The following TBC1D12 variants were observed in gnomAD, a reference collection of about 807,000 sequenced individuals.
TBC1D12 encodes the protein TBC1 domain family member 12.
A neutral mutation model predicts 86.7 loss-of-function variants in TBC1D12; 56 were observed. The observed-to-expected ratio is 0.65, with a 90% CI of 0.52 to 0.81. TBC1D12 has a LOEUF of 0.81. TBC1D12 is among the 30% of genes least tolerant of loss of function. The pLI is 0.00. For missense variants in TBC1D12, 1,023 were observed against 1,038.8 expected, an observed-to-expected ratio of 0.98 and a Z score of 0.21; for synonymous variants, 421 against 411.7, an observed-to-expected ratio of 1.02 and a Z score of -0.27.
At chr10:94,474,811 A>G (rs2134146346) in intron 3 of TBC1D12, 28 bp downstream of exon 3, 1 of 1,545,974 alleles carries the variant, frequency 6.5e-7, no homozygotes, top group Non-Finnish European at 8.9e-7. Context: ...AATCAGTGAC[A>G]TTGTTTATAT....
chr10:94,490,094 C>G (rs1207706478), intron 3 of TBC1D12, among the ~76,000 whole-genome samples: 1 of 151,802 alleles, frequency 6.6e-6, no homozygotes, highest in Non-Finnish European at 1.5e-5. Context: ...CTAAAATTAC[C>G]AAAAAATGTA....
intron 9 of TBC1D12, among the ~76,000 whole-genome samples, chr10:94,520,626 C>T (rs1842124876): frequency 6.6e-6 from 1 of 151,928 alleles, no homozygotes; most frequent in Non-Finnish European, 1.5e-5. Flanking sequence ...TTTCAAAACA[C>T]TTGGCTGGGA....
intron 1 of TBC1D12, among the ~76,000 whole-genome samples, chr10:94,410,353 C>G (rs1225932693): frequency 6.6e-6 from 1 of 152,160 alleles, no homozygotes; most frequent in African/African-American, 2.4e-5. Context: ...GAAAGTGTAT[C>G]TTAGTTCTAC....
intron 3 of TBC1D12, among the ~76,000 whole-genome samples, chr10:94,484,947 T>G (rs2056137568): frequency 6.6e-6 from 1 of 152,214 alleles, no homozygotes; most frequent in Admixed American, 6.5e-5. Flanking sequence ...GTCTGTTGAT[T>G]TTTTATCCTG....
intron 11 of TBC1D12, among the ~76,000 whole-genome samples, chr10:94,525,636 G>T (rs932008214): frequency 6.8e-6 from 1 of 146,082 alleles, no homozygotes; most frequent in African/African-American, 2.6e-5. Context: ...CTCCAGCCTG[G>T]GCTACAGAGC....
At chr10:94,482,751 ATTCT>A (rs1398996300) in intron 3 of TBC1D12, among the ~76,000 whole-genome samples, 2 of 151,916 alleles carry the variant, frequency 1.3e-5, no homozygotes, top group Non-Finnish European at 2.9e-5. Context: ...TGCCTGGCCC[ATTCT>A]TTCTATTTTT....
intron 1 of TBC1D12, among the ~76,000 whole-genome samples, chr10:94,433,439 A>G (rs1196947208): frequency 6.6e-6 from 1 of 152,132 alleles, no homozygotes; most frequent in Non-Finnish European, 1.5e-5. Context: ...AATTTTTAAC[A>G]GTCCCTAATC....
intron 1 of TBC1D12, among the ~76,000 whole-genome samples, chr10:94,416,548 T>C (rs1023888561): frequency 3.9e-5 from 6 of 152,194 alleles, no homozygotes; most frequent in African/African-American, 1.4e-4. Context: ...ATTAATTAGT[T>C]TGGAATTTTC....
At chr10:94,418,372 G>A (rs1333182241) in intron 1 of TBC1D12, among the ~76,000 whole-genome samples, 1 of 152,110 alleles carries the variant, frequency 6.6e-6, no homozygotes, top group African/African-American at 2.4e-5. Context: ...TACAGCATCT[G>A]TAACTGAAAT....
chr10:94,527,799 T>C (rs1842333679), intron 11 of TBC1D12, among the ~76,000 whole-genome samples: 1 of 152,088 alleles, frequency 6.6e-6, no homozygotes, highest in Admixed American at 6.6e-5. Flanking sequence ...ATATCCAGTT[T>C]TTCCCCCAGC....
intron 3 of TBC1D12, among the ~76,000 whole-genome samples, 191 bp from the exon 4 acceptor site, chr10:94,493,173 CA>C (rs1387170169): frequency 1.3e-5 from 2 of 151,420 alleles, no homozygotes; most frequent in African/African-American, 2.4e-5. Context: ...CACACACACA[CA>C]CCACATATTA....
chr10:94,499,125 AAC>A (rs2056361924), intron 5 of TBC1D12, among the ~76,000 whole-genome samples: 1 of 152,218 alleles, frequency 6.6e-6, no homozygotes. Context: ...CAAGCTAATT[AAC>A]ACATCCATCA....
chr10:94,406,848 G>A (rs940564768), intron 1 of TBC1D12, among the ~76,000 whole-genome samples: 2 of 152,142 alleles, frequency 1.3e-5, no homozygotes, highest in Admixed American at 1.3e-4. Context: ...GTCTAAAGAA[G>A]GTAATTTAGT....
At chr10:94,509,203 C>G (rs2056498059) in intron 7 of TBC1D12, 1 of 147,310 alleles carries the variant, frequency 6.8e-6, no homozygotes, top group South Asian at 2.2e-4. Flanking sequence ...CTCCCAGGTT[C>G]AAGCAATTCT....
chr10:94,443,930 A>C (rs2055415858), intron 2 of TBC1D12, among the ~76,000 whole-genome samples: 1 of 152,176 alleles, frequency 6.6e-6, no homozygotes, highest in Non-Finnish European at 1.5e-5. Context: ...AGAACTTTGG[A>C]AGGCAGAAGC....
At chr10:94,417,063 C>A (rs1482655756) in intron 1 of TBC1D12, among the ~76,000 whole-genome samples, 3 of 152,044 alleles carry the variant, frequency 2.0e-5, no homozygotes, top group Non-Finnish European at 4.4e-5. Context: ...GGTGGCAGTA[C>A]AGGGAACATT....
At chr10:94,496,233 C>G (rs2056319706) in intron 4 of TBC1D12, among the ~76,000 whole-genome samples, 3 of 152,042 alleles carry the variant, frequency 2.0e-5, no homozygotes. Context: ...CTCACTGGTT[C>G]TAAAATTACA....
intron 2 of TBC1D12, among the ~76,000 whole-genome samples, chr10:94,472,055 A>T (rs182294137): frequency 5.7e-4 from 87 of 152,284 alleles, no homozygotes; most frequent in African/African-American, 1.8e-3. Context: ...AGGCATTGTC[A>T]GTCTGATCTA....
chr10:94,467,373 C>T (rs1444856116), intron 2 of TBC1D12, among the ~76,000 whole-genome samples: 2 of 152,118 alleles, frequency 1.3e-5, no homozygotes, highest in Admixed American at 1.3e-4. Flanking sequence ...GCTGGGATTA[C>T]AGGCATGCAC....
Sources: gnomAD v4.1 joint callset for allele counts (sites outside exome capture counted in the v4.1 genomes callset) on GRCh38, gnomAD v4.1.1 for gene constraint, MANE v1.5 for transcripts, NCBI Gene and HGNC (gene_info 2026-07-23, HGNC 2026-07-21) for gene names.